SPATS2L: variants seen among roughly 807,000 people sequenced by gnomAD.
SPATS2L encodes SPATS2-like protein.
SPATS2L carries 30 observed loss-of-function variants against 59.6 expected under a neutral mutation model. The observed-to-expected ratio is 0.50, with a 90% CI of 0.38 to 0.68. The LOEUF (loss-of-function observed/expected upper bound fraction) is 0.68, where lower values mean the gene tolerates loss of function less well. Ranked by LOEUF, SPATS2L falls within the 30% of genes least tolerant of loss-of-function variation. The probability of loss-of-function intolerance (pLI) is 0.00; values close to 1 mark genes in which losing one functional copy is unlikely to be tolerated. For missense variants in SPATS2L, 615 were observed against 700.0 expected, an observed-to-expected ratio of 0.88 and a Z score of 1.37; for synonymous variants, 252 against 263.5, an observed-to-expected ratio of 0.96 and a Z score of 0.42.
chr2:200,460,794 T>C (rs1322678761), intron 9 of SPATS2L: 1 of 151,826 alleles, frequency 6.6e-6, no homozygotes, highest in Non-Finnish European at 1.5e-5. Flanking sequence ...AAATTAAAGA[T>C]ACACTAAACA....
At chr2:200,468,278 T>C (rs3769433) in intron 10 of SPATS2L, among the ~76,000 whole-genome samples, 69,581 of 149,970 alleles carry the variant, frequency 0.46, 16,298 homozygotes, top group Middle Eastern at 0.5. Context: ...GGAAGGCAAG[T>C]ATAAGTATTT....
At chr2:200,326,266 A>G (rs1427395324) in intron 1 of SPATS2L, among the ~76,000 whole-genome samples, 1 of 152,238 alleles carries the variant, frequency 6.6e-6, no homozygotes, top group Non-Finnish European at 1.5e-5. Context: ...GCTTGCCACC[A>G]TGCCCAACTC....
rs770970355 is a variant in SPATS2L, at chr2:200,477,881, G to A, written c.1527G>A (p.Arg509=). ...CCCCGGCCCATTCTGAAAAGCCCCG[G>A]CGAAGGCAGCACGCTGCAGACACCT... ...PEAPAHSEKP[R]RRQHAADTSE... is the part of the protein sequence containing the mutation. Residue 509 remains arginine, a synonymous_variant, in exon 13 of 13, where the codon CGG becomes CGA. Transcript: ENST00000409140. 2 of 1,607,512 alleles carry A rather than the reference G, an allele frequency of 1.2e-6. No homozygotes were observed. Among genetic ancestry groups the A allele is most frequent in the Non-Finnish European group, 1.7e-6 (2 of 1,176,974 alleles).
At chr2:200,394,101 T>C (rs2082255457) in intron 3 of SPATS2L, among the ~76,000 whole-genome samples, 2 of 152,218 alleles carry the variant, frequency 1.3e-5, no homozygotes, top group Admixed American at 1.3e-4. Context: ...CTGTTTCATT[T>C]TAAAATATCT....
chr2:200,306,918 C>T lies in SPATS2L; in HGVS notation c.-77C>T, dbSNP rs1440992580. ...GGGACGGAGGAGCCGGCGCTCGACA[C>T]AGAGGTAAGCCCAGGACCCCCTCCA... On this transcript the variant is annotated 5_prime_UTR_variant, in exon 1 of 13. Transcript: ENST00000409140. The T allele has an allele frequency of 8.1e-6, 8 of 981,878 alleles. No homozygotes were observed. Among genetic ancestry groups the T allele is most frequent in the African/African-American group, 1.8e-5 (1 of 56,848 alleles). The allele number at this position is 981,878 out of a possible 1,614,324, so 60.8% of individuals were successfully genotyped here.
intron 9 of SPATS2L, chr2:200,460,985 TGG>T: frequency 6.6e-6 from 1 of 152,438 alleles, no homozygotes; most frequent in Non-Finnish European, 1.5e-5. Context: ...GCTAATTTTT[TGG>T]GTTTTTAGTA....
At chr2:200,378,005 A>G (rs1376168145) in intron 2 of SPATS2L, 4 of 153,134 alleles carry the variant, frequency 2.6e-5, no homozygotes, top group Admixed American at 2.0e-4. Context: ...GTTCAGTCTT[A>G]GAGCTATACC....
intron 2 of SPATS2L, among the ~76,000 whole-genome samples, chr2:200,343,967 CTA>C (rs1385873433): frequency 2.6e-5 from 4 of 151,790 alleles, no homozygotes; most frequent in Admixed American, 2.6e-4. Context: ...TCTATTTTAT[CTA>C]TGTCTTTTAA....
intron 1 of SPATS2L, among the ~76,000 whole-genome samples, chr2:200,312,105 G>A (rs967370949): frequency 2.6e-5 from 4 of 152,146 alleles, no homozygotes; most frequent in Non-Finnish European, 5.9e-5. Context: ...GTAATTACAT[G>A]TGGTGCCAAG....
At chr2:200,392,674 T>C (rs1230051825) in intron 3 of SPATS2L, among the ~76,000 whole-genome samples, 1 of 152,196 alleles carries the variant, frequency 6.6e-6, no homozygotes, top group Non-Finnish European at 1.5e-5. Context: ...TCCACAGATA[T>C]GGAACCTGTG....
chr2:200,446,456 C>T (rs1252343419), intron 8 of SPATS2L, among the ~76,000 whole-genome samples: 3 of 152,222 alleles, frequency 2.0e-5, no homozygotes, highest in African/African-American at 7.2e-5. Context: ...GACAATTTTG[C>T]CCCCAGGAGA....
chr2:200,324,056 G>T (rs2079651186), intron 1 of SPATS2L, among the ~76,000 whole-genome samples: 2 of 152,172 alleles, frequency 1.3e-5, no homozygotes, highest in African/African-American at 4.8e-5. Flanking sequence ...CTGACTGCAA[G>T]AGAGTAAATC....
intron 9 of SPATS2L, among the ~76,000 whole-genome samples, chr2:200,466,952 AGT>A: frequency 6.6e-6 from 1 of 152,172 alleles, no homozygotes; most frequent in Non-Finnish European, 1.5e-5. Context: ...GATTTTAATA[AGT>A]GTTGTTTTTC....
chr2:200,391,036 C>T (rs543019991), intron 3 of SPATS2L, among the ~76,000 whole-genome samples: 17 of 151,974 alleles, frequency 1.1e-4, no homozygotes, highest in Admixed American at 6.6e-4. Context: ...GCCAGACACA[C>T]GTAATCCCAG....
At chr2:200,410,077 C>T (rs2082823056) in intron 3 of SPATS2L, among the ~76,000 whole-genome samples, 2 of 151,716 alleles carry the variant, frequency 1.3e-5, no homozygotes, top group Admixed American at 1.3e-4. Flanking sequence ...AAACCTTTGT[C>T]TAATATAACT....
At chr2:200,308,843 CA>C in intron 1 of SPATS2L, 1 of 537,870 alleles carries the variant, frequency 1.9e-6, no homozygotes, top group Non-Finnish European at 3.3e-6. Context: ...CTCATTTAGA[CA>C]GGCAAAATGA....
chr2:200,364,997 A>G (rs1187350033), intron 2 of SPATS2L, among the ~76,000 whole-genome samples: 2 of 152,198 alleles, frequency 1.3e-5, no homozygotes, highest in African/African-American at 4.8e-5. Context: ...GAATCTTCGC[A>G]ATCTGACATT....
chr2:200,477,676 A>T lies in SPATS2L; in HGVS notation c.1322A>T (p.Tyr441Phe). 1 of 1,565,336 alleles carries T rather than the reference A, an allele frequency of 6.4e-7. No individual in the cohort carries two copies. The highest frequency in any genetic ancestry group is 8.7e-7 in the Non-Finnish European group (1 of 1,154,466). The change falls in exon 13 of 13, where the codon TAT (tyrosine) becomes TTT (phenylalanine). Residue 441 changes from tyrosine (Y) to phenylalanine (F), a missense_variant. Tyr to Phe is a conservative substitution (Grantham distance 22). Transcript: ENST00000409140. ...SNQRRRFNPQ[Y>F]HNNRLNGPAK... ...CAAAGACGGAGATTTAATCCACAGT[A>T]TCATAACAACAGGCTAAATGGGCCT...
chr2:200,466,446 C>T (rs527928365), intron 9 of SPATS2L, among the ~76,000 whole-genome samples: 13 of 152,340 alleles, frequency 8.5e-5, no homozygotes, highest in African/African-American at 1.2e-4. Flanking sequence ...TGCTACTGAG[C>T]GCCATAATCT....
Sources: gnomAD v4.1 joint callset for allele counts (sites outside exome capture counted in the v4.1 genomes callset) on GRCh38, gnomAD v4.1.1 for gene constraint, MANE v1.5 for transcripts, NCBI Gene and HGNC (gene_info 2026-07-23, HGNC 2026-07-21) for gene names.